PTPRA: variants seen among roughly 807,000 people sequenced by gnomAD.
PTPRA encodes protein tyrosine phosphatase receptor type A, also known as receptor-type tyrosine-protein phosphatase alpha.
Under a neutral mutation model 104.8 loss-of-function variants are expected in PTPRA, and 25 were observed. The ratio of observed to expected loss-of-function variants is 0.24; its 90% CI spans 0.17 to 0.33. PTPRA has a LOEUF of 0.33. Among genes scored for constraint, PTPRA ranks in the 10% least tolerant of loss-of-function variants. PTPRA has a pLI of 1.00. For synonymous variants in PTPRA, 323 were observed against 368.9 expected, an observed-to-expected ratio of 0.88 and a Z score of 1.43; for missense variants, 765 against 1,015.3, an observed-to-expected ratio of 0.75 and a Z score of 3.35.
intron 2 of PTPRA, among the ~76,000 whole-genome samples, chr20:2,932,397 A>G (rs1207608411): frequency 6.6e-6 from 1 of 152,224 alleles, no homozygotes; most frequent in Non-Finnish European, 1.5e-5. Flanking sequence ...AGAAGCTCAT[A>G]GAGTTAAAGC....
chr20:3,019,128 G>A (rs1266237854), intron 13 of PTPRA, among the ~76,000 whole-genome samples: 1 of 141,848 alleles, frequency 7.0e-6, no homozygotes, highest in African/African-American at 2.7e-5. Flanking sequence ...TCACCTCCTG[G>A]ACGGGGCGGC....
chr20:3,017,958 A>AT, intron 13 of PTPRA, 45 bp downstream of exon 13: 1 of 1,496,332 alleles, frequency 6.7e-7, no homozygotes, highest in Non-Finnish European at 9.3e-7. Flanking sequence ...ATCACTCTGC[A>AT]TATAAGCTCT....
chr20:2,915,081 C>CTT (rs575270752), intron 1 of PTPRA, among the ~76,000 whole-genome samples: 37 of 145,020 alleles, frequency 2.6e-4, no homozygotes, highest in African/African-American at 8.3e-4. Context: ...CATTCTTCTT[C>CTT]TTTTTTTTTT....
intron 2 of PTPRA, among the ~76,000 whole-genome samples, chr20:2,923,497 A>T (rs633284): frequency 0.64 from 95,819 of 149,484 alleles, 32,040 homozygotes; most frequent in African/African-American, 0.86. Flanking sequence ...TTTTTTTTTT[A>T]AAAAAAAAGA....
intron 20 of PTPRA, among the ~76,000 whole-genome samples, chr20:3,031,918 C>T (rs977924344): frequency 3.3e-5 from 5 of 152,188 alleles, no homozygotes; most frequent in African/African-American, 1.2e-4. Context: ...ATGCCTCTAT[C>T]TGATATAGCA....
At chr20:2,886,131 C>G (rs1191433313) in intron 1 of PTPRA, among the ~76,000 whole-genome samples, 3 of 152,134 alleles carry the variant, frequency 2.0e-5, no homozygotes, top group African/African-American at 7.2e-5. Context: ...GATCCTGTTT[C>G]ATGCAAACCA....
chr20:2,999,859 A>G, intron 9 of PTPRA, among the ~76,000 whole-genome samples: 1 of 152,248 alleles, frequency 6.6e-6, no homozygotes, highest in East Asian at 1.9e-4. Flanking sequence ...TTACATGAAA[A>G]TGCAAAACCT....
chr20:3,027,157 G>A lies in PTPRA; in HGVS notation c.1745G>A (p.Gly582Asp), dbSNP rs779268141. ...AGAGTGATCATTCCAGTTAAGCGGG[G>A]CGAAGAGAATACAGACTATGTGAAC... ...FNRVIIPVKR[G>D]EENTDYVNAS... The change falls in exon 19 of 24, where the codon GGC becomes GAC. Residue 582 changes from glycine (G) to aspartate (D), a missense_variant. Gly to Asp is a moderately conservative substitution (Grantham distance 94, BLOSUM62 -1). Around this residue, in one of 4 missense-constraint regions of PTPRA, gnomAD observed 192 missense variants for 227.0 expected, o/e 0.85. Coordinates refer to ENST00000399903, the MANE Select transcript of PTPRA (RefSeq NM_001385305.1). The A allele has an allele frequency of 1.9e-6, 3 of 1,614,090 alleles. No individual in the cohort carries two copies. Among genetic ancestry groups the A allele is most frequent in the South Asian group, 1.1e-5 (1 of 91,086 alleles).
intron 6 of PTPRA, 83 bp from the exon 7 acceptor site, chr20:2,986,682 C>G: frequency 8.5e-7 from 1 of 1,182,038 alleles, no homozygotes; most frequent in South Asian, 1.2e-5. Flanking sequence ...AGCTCTTCCT[C>G]TTCAGGGTGT....
intron 1 of PTPRA, among the ~76,000 whole-genome samples, chr20:2,874,660 A>G (rs911574958): frequency 6.6e-6 from 1 of 152,178 alleles, no homozygotes; most frequent in African/African-American, 2.4e-5. Context: ...ACTGACTAGG[A>G]AAGGGCGAAC....
At chr20:2,910,247 A>AAT (rs1284980146) in intron 1 of PTPRA, among the ~76,000 whole-genome samples, 42 of 99,536 alleles carry the variant, frequency 4.2e-4, no homozygotes, top group African/African-American at 1.4e-3. Context: ...TATTATATAT[A>AAT]ATATATATAT....
At chr20:3,007,521 A>G in intron 11 of PTPRA, 101 bp downstream of exon 11, 2 of 1,295,962 alleles carry the variant, frequency 1.5e-6, no homozygotes, top group Non-Finnish European at 2.2e-6. Context: ...TTGTCATTTC[A>G]TGTTTTCCCT....
At chr20:3,009,562 C>T (rs1489184875) in intron 11 of PTPRA, among the ~76,000 whole-genome samples, 1 of 152,132 alleles carries the variant, frequency 6.6e-6, no homozygotes, top group Non-Finnish European at 1.5e-5. Context: ...GGCATTCTCA[C>T]TGGAGTGAAT....
chr20:2,962,877 C>A (rs569440503), intron 3 of PTPRA, among the ~76,000 whole-genome samples: 49 of 152,262 alleles, frequency 3.2e-4, no homozygotes, highest in Non-Finnish European at 5.1e-4. Flanking sequence ...CTCTTCCCCC[C>A]CTACCCTTGA....
intron 13 of PTPRA, 77 bp from the exon 14 acceptor site, chr20:3,021,232 C>G: frequency 2.5e-6 from 4 of 1,590,422 alleles, no homozygotes; most frequent in Non-Finnish European, 3.4e-6. Context: ...GCTTTGTGGG[C>G]TCTTCCTTCC....
intron 2 of PTPRA, among the ~76,000 whole-genome samples, chr20:2,934,519 A>G (rs1049580856): frequency 6.6e-6 from 1 of 152,040 alleles, no homozygotes; most frequent in Non-Finnish European, 1.5e-5. Context: ...CTTGTTCATT[A>G]TTTGTTTTAA....
intron 13 of PTPRA, 86 bp downstream of exon 13, chr20:3,017,999 G>A: frequency 8.7e-7 from 1 of 1,148,306 alleles, no homozygotes; most frequent in Non-Finnish European, 1.3e-6. Context: ...ATCCTTTGTG[G>A]GTGCTGTACC....
chr20:2,964,727 TG>T, intron 4 of PTPRA, 133 bp from the exon 5 acceptor site: 1 of 731,126 alleles, frequency 1.4e-6, no homozygotes, highest in Non-Finnish European at 2.2e-6. Context: ...AGGGGGTGGG[TG>T]GTGTTGAGGG....
chr20:2,892,869 G>T (rs565875908), intron 1 of PTPRA, among the ~76,000 whole-genome samples: 1 of 152,266 alleles, frequency 6.6e-6, no homozygotes, highest in South Asian at 2.1e-4. Flanking sequence ...ATCTAATTCT[G>T]TCTTTATTTT....
Sources: allele counts gnomAD v4.1 joint callset (sites outside exome capture counted in the v4.1 genomes callset), GRCh38; gene constraint gnomAD v4.1.1; regional missense constraint gnomAD v4.1.1; transcripts MANE v1.5; gene names NCBI Gene and HGNC (gene_info 2026-07-23, HGNC 2026-07-21).